CTBP2: variants seen among roughly 807,000 people sequenced by gnomAD.
The protein encoded by CTBP2 is C-terminal-binding protein 2.
A neutral mutation model predicts 80.3 loss-of-function variants in CTBP2; 30 were observed. The ratio of observed to expected loss-of-function variants is 0.37; its 90% CI spans 0.28 to 0.51. The LOEUF (loss-of-function observed/expected upper bound fraction) is 0.51, where lower values mean the gene tolerates loss of function less well. Among genes scored for constraint, CTBP2 ranks in the 20% least tolerant of loss-of-function variants. The probability of loss-of-function intolerance (pLI) is 0.93; values close to 1 mark genes in which losing one functional copy is unlikely to be tolerated. For missense variants in CTBP2, 1,212 were observed against 1,375.3 expected (o/e 0.88, Z 1.88); for synonymous variants, 594 against 587.4 (o/e 1.01, Z -0.16).
intron 2 of CTBP2, among the ~76,000 whole-genome samples, chr10:125,083,995 G>A (rs149533780): frequency 8.7e-4 from 133 of 152,282 alleles, no homozygotes; most frequent in Non-Finnish European, 1.5e-3. Flanking sequence ...TGGCCAGGCT[G>A]GTCTAGAACT....
In CTBP2 at chr10:125,026,265, C is replaced by T. The variant is rs764860303; in HGVS notation, c.1495G>A (p.Ala499Thr). The change falls in exon 1 of 9, where the codon GCC (alanine) becomes ACC (threonine). Residue 499 changes from alanine (A) to threonine (T), a missense_variant. Around this residue, in one of 3 missense-constraint regions of CTBP2, gnomAD observed 848 missense variants for 782.3 expected, o/e 1.08. Coordinates refer to ENST00000309035, the MANE Select transcript of CTBP2 (RefSeq NM_022802.3). ...CCGTGAGGGCTGGGCAGCGGAGAGG[C>T]GGCCACGTTGCGCTCCCTCTTTAGC... The T allele has an allele frequency of 1.9e-5, 30 of 1,613,720 alleles. No individual in the cohort carries two copies. Among genetic ancestry groups the T allele is most frequent in the African/African-American group, 2.7e-5 (2 of 74,916 alleles).
chr10:125,005,707 C>T (rs781305763), intron 1 of CTBP2: 1 of 1,612,958 alleles, frequency 6.2e-7, no homozygotes, highest in Admixed American at 1.7e-5. Flanking sequence ...AATGGTACAA[C>T]TGCCAAATTC....
intron 2 of CTBP2, among the ~76,000 whole-genome samples, chr10:125,096,238 C>G (rs193005999): frequency 1.3e-5 from 2 of 152,348 alleles, no homozygotes; most frequent in African/African-American, 4.8e-5. Context: ...CACTTCATTA[C>G]TATACTTCGT....
chr10:125,135,048 A>C (rs1341846591), intron 1 of CTBP2, among the ~76,000 whole-genome samples: 1 of 152,166 alleles, frequency 6.6e-6, no homozygotes, highest in Non-Finnish European at 1.5e-5. Flanking sequence ...TACATTGTGC[A>C]TGGATGCCTT....
At chr10:125,124,526 A>G (rs1854899415) in intron 1 of CTBP2, among the ~76,000 whole-genome samples, 1 of 152,244 alleles carries the variant, frequency 6.6e-6, no homozygotes, top group Admixed American at 6.5e-5. Context: ...AAATAAGCAG[A>G]TTTTAATAAT....
intron 2 of CTBP2, among the ~76,000 whole-genome samples, chr10:125,052,456 C>T (rs941351285): frequency 1.3e-5 from 2 of 152,190 alleles, no homozygotes; most frequent in African/African-American, 2.4e-5. Flanking sequence ...ATGTTCTAAC[C>T]TTATTTCCCT....
At chr10:125,145,077 C>T (rs1264804194) in intron 1 of CTBP2, among the ~76,000 whole-genome samples, 1 of 152,182 alleles carries the variant, frequency 6.6e-6, no homozygotes, top group Non-Finnish European at 1.5e-5. Flanking sequence ...TTCCAAGTTT[C>T]AAATAATTTA....
chr10:125,151,958 C>G (rs555487240), intron 1 of CTBP2, among the ~76,000 whole-genome samples: 124 of 152,278 alleles, frequency 8.1e-4, no homozygotes, highest in African/African-American at 2.9e-3. Flanking sequence ...CTCTCAACGA[C>G]TTCCCCGCGG....
intron 1 of CTBP2, among the ~76,000 whole-genome samples, chr10:125,010,158 C>T (rs1481900643): frequency 7.1e-6 from 1 of 140,314 alleles, no homozygotes; most frequent in Non-Finnish European, 1.5e-5. Flanking sequence ...GCTCCGGGAG[C>T]AGCTTCAAGG....
At chr10:125,046,137 C>T (rs1961177201) in intron 2 of CTBP2, among the ~76,000 whole-genome samples, 1 of 152,098 alleles carries the variant, frequency 6.6e-6, no homozygotes, top group Non-Finnish European at 1.5e-5. Context: ...ATGCCTGTGC[C>T]AGAACAGATA....
At chr10:125,121,571 A>G (rs1254701) in intron 1 of CTBP2, among the ~76,000 whole-genome samples, 134,345 of 152,244 alleles carry the variant, frequency 0.88, 59,589 homozygotes, top group African/African-American at 0.97. Context: ...GGCTATGTAT[A>G]TCACAGAAAA....
At position 125,011,182 on chromosome 10, in the gene CTBP2, A is replaced by C. The variant is rs535453986; in HGVS notation, c.1679-7690T>G. 1.4e-4 allele frequency among the ~76,000 whole-genome samples: 22 copies of C among 152,356 alleles called. No individual in the cohort carries two copies. In the East Asian group the frequency reaches 3.1e-3, roughly 21 times the overall value. The stretch of plus-strand genomic sequence containing the variant: ...CTCCCCAGAAGGCTGGATGTGCCCC[A>C]TGGGGAACCTAGTTTTAAGCTACTC... On this transcript the variant is annotated intron_variant, in intron 1 of 8. Transcript: ENST00000309035.
At chr10:125,014,099 GCGGAGA>G (rs962073603) in intron 1 of CTBP2, among the ~76,000 whole-genome samples, 4 of 152,170 alleles carry the variant, frequency 2.6e-5, no homozygotes, top group African/African-American at 9.7e-5. Flanking sequence ...TATCAGAACG[GCGGAGA>G]ACAGAAGGGC....
intron 3 of CTBP2, among the ~76,000 whole-genome samples, chr10:125,036,668 GGTGTGTGT>G (rs59284647): frequency 0.013 from 1,581 of 119,326 alleles, 22 homozygotes; most frequent in East Asian, 0.064. Context: ...AGCTAGAGGG[GGTGTGTGT>G]GTGTGTGTGT....
At chr10:125,042,336 A>G (rs549612137) in intron 2 of CTBP2, among the ~76,000 whole-genome samples, 4 of 151,862 alleles carry the variant, frequency 2.6e-5, no homozygotes, top group South Asian at 4.2e-4. Flanking sequence ...GCAAGCCAGC[A>G]CCCCCGATCC....
chr10:124,992,736 G>C lies in CTBP2; in HGVS notation c.2736C>G (p.Asp912Glu). The C allele has an allele frequency of 6.2e-7, 1 of 1,608,974 alleles. No homozygotes were observed. The highest frequency in any genetic ancestry group is 1.3e-5 in the African/African-American group (1 of 74,926). ...TGAGCTCAGGATGAATTGCTTGCTG[G>C]TCTATTACTGACCAAGGCGCTGATG... The change falls in exon 8 of 9, where the codon GAC (aspartate) becomes GAG (glutamate). Residue 912 changes from aspartate (D) to glutamate (E), a missense_variant. Asp to Glu is a conservative substitution (Grantham distance 45). Transcript: ENST00000309035.
chr10:125,071,549 G>A (rs1378780444), intron 2 of CTBP2, among the ~76,000 whole-genome samples: 2 of 152,200 alleles, frequency 1.3e-5, no homozygotes, highest in African/African-American at 2.4e-5. Context: ...CCTGAAAGAT[G>A]GCAGTAAAAA....
chr10:124,996,245 C>T (rs1312021111), intron 4 of CTBP2: 2 of 152,026 alleles, frequency 1.3e-5, no homozygotes, highest in Non-Finnish European at 2.9e-5. Context: ...CACAGGCTGC[C>T]TTTCCTTCAG....
At chr10:125,019,095 T>G (rs1832470558) in intron 1 of CTBP2, among the ~76,000 whole-genome samples, 1 of 152,208 alleles carries the variant, frequency 6.6e-6, no homozygotes, top group Non-Finnish European at 1.5e-5. Context: ...TTAACTACAG[T>G]GTACCTTCCT....
Sources: allele counts gnomAD v4.1 joint callset (sites outside exome capture counted in the v4.1 genomes callset), GRCh38; gene constraint gnomAD v4.1.1; regional missense constraint gnomAD v4.1.1; transcripts MANE v1.5; gene names NCBI Gene and HGNC (gene_info 2026-07-23, HGNC 2026-07-21).